Variants in RBP2 observed in about 807,000 individuals in gnomAD.
RBP2 encodes retinol-binding protein 2.
RBP2 carries 17 observed loss-of-function variants against 17.0 expected under a neutral mutation model. That is an observed-to-expected ratio of 1.00 (90% confidence interval 0.68 to 1.50). RBP2 has a LOEUF of 1.50. Among genes scored for constraint, RBP2 ranks in the 40% most tolerant of loss-of-function variants. The probability of loss-of-function intolerance (pLI) is 0.00; values close to 1 mark genes in which losing one functional copy is unlikely to be tolerated. For synonymous variants in RBP2, 48 were observed against 57.1 expected (o/e 0.84, Z 0.72); for missense variants, 158 against 168.2 (o/e 0.94, Z 0.33).
At chr3:139,460,551 C>T (rs551247222) in intron 2 of RBP2, among the ~76,000 whole-genome samples, 13 of 152,168 alleles carry the variant, frequency 8.5e-5, no homozygotes, top group Non-Finnish European at 1.6e-4. Flanking sequence ...TTTTCCTCCC[C>T]ACCCCAGGAG....
intron 1 of RBP2, among the ~76,000 whole-genome samples, chr3:139,464,967 G>T (rs1313951085): frequency 1.3e-5 from 2 of 152,202 alleles, no homozygotes; most frequent in Non-Finnish European, 2.9e-5. Context: ...GACTTCTATG[G>T]TTTAAAAATT....
intron 3 of RBP2, 39 bp from the exon 4 acceptor site, chr3:139,453,205 G>T: frequency 6.2e-7 from 1 of 1,612,816 alleles, no homozygotes; most frequent in South Asian, 1.1e-5. Context: ...TAACAAGCCA[G>T]GCCTTTCTTC....
rs1388893425 is a variant in RBP2 at position 139,459,459 on chromosome 3, A to AAT, written c.252+2651_252+2652dup. 4.3e-3 allele frequency among the ~76,000 whole-genome samples: 479 copies of AAT among 112,368 alleles called. 3 individuals carry two copies. The highest frequency in any genetic ancestry group is 0.015 in the African/African-American group (429 of 29,230). The allele number at this position is 112,368 out of a possible 152,430, so 73.7% of individuals were successfully genotyped here. A position where few individuals can be genotyped will look rare whatever the true frequency, so the allele number is the denominator to read the frequency against. ...TCATATTTACATATATTTATATATAAATATATATATATATTTAGCCAGGCA... is the reference window on the plus strand; with the variant it reads ...TCATATTTACATATATTTATATATAAATATATATATATATATTTAGCCAGGCA... On this transcript the variant is annotated intron_variant, in intron 2 of 3. Transcript: ENST00000232217.
intron 1 of RBP2, among the ~76,000 whole-genome samples, chr3:139,469,689 C>T (rs987422475): frequency 2.3e-4 from 23 of 98,592 alleles, no homozygotes; most frequent in Non-Finnish European, 4.5e-4. Flanking sequence ...GTCTGTCTGT[C>T]TATCTATCTA....
intron 2 of RBP2, among the ~76,000 whole-genome samples, chr3:139,460,274 CTTG>C (rs1303952628): frequency 6.6e-6 from 1 of 152,178 alleles, no homozygotes; most frequent in Non-Finnish European, 1.5e-5. Context: ...TCAGAAAAGG[CTTG>C]TTGATCCATT....
chr3:139,454,691 G>A (rs761488300), intron 3 of RBP2, 38 bp downstream of exon 3: 17 of 1,594,648 alleles, frequency 1.1e-5, no homozygotes, highest in Admixed American at 6.7e-5. Context: ...GCGTGTGTAA[G>A]CACAATGGAA....
At chr3:139,470,252 T>A (rs890227991) in intron 1 of RBP2, among the ~76,000 whole-genome samples, 2 of 152,192 alleles carry the variant, frequency 1.3e-5, no homozygotes, top group African/African-American at 4.8e-5. Context: ...TCTGCCCAGT[T>A]ATTCAGGCCT....
intron 3 of RBP2, 107 bp from the exon 4 acceptor site, chr3:139,453,273 CTT>C: frequency 8.0e-7 from 1 of 1,246,990 alleles, no homozygotes; most frequent in Non-Finnish European, 1.2e-6. Context: ...AAAGAGGACA[CTT>C]AGGTATTCTG....
chr3:139,460,707 G>A (rs1226770066), intron 2 of RBP2, among the ~76,000 whole-genome samples: 3 of 152,110 alleles, frequency 2.0e-5, no homozygotes, highest in Non-Finnish European at 2.9e-5. Context: ...GCAGGGCAGG[G>A]CAGAGGGTGT....
chr3:139,459,117 A>G (rs963593763), intron 2 of RBP2, among the ~76,000 whole-genome samples: 1 of 152,074 alleles, frequency 6.6e-6, no homozygotes, highest in Admixed American at 6.6e-5. Flanking sequence ...GAGGGCTTGT[A>G]AGGGTGACCA....
chr3:139,476,434 C>T lies in RBP2; in HGVS notation c.26G>A (p.Trp9Ter). The change falls in exon 1 of 4, where the codon TGG (tryptophan) becomes TAG (stop). Residue 9 changes from tryptophan (W) to a stop codon, truncating the protein, a stop_gained. Coordinates refer to ENST00000232217, the MANE Select transcript of RBP2 (RefSeq NM_004164.3). LOFTEE classifies it high-confidence loss of function. MTRDQNGT[W>*]EMESNENFEG... ...AAAGTTTTCATTACTCTCCATCTCC[C>T]AGGTTCCATTCTGGTCCCTTGTCAT... The T allele has an allele frequency of 6.2e-7, 1 of 1,614,022 alleles. No individual in the cohort carries two copies. The highest frequency in any genetic ancestry group is 8.5e-7 in the Non-Finnish European group (1 of 1,179,988).
At chr3:139,454,497 A>C (rs1344841296) in intron 3 of RBP2, among the ~76,000 whole-genome samples, 1 of 152,160 alleles carries the variant, frequency 6.6e-6, no homozygotes, top group Admixed American at 6.5e-5. Flanking sequence ...CTAACTCAGC[A>C]TTTTGAACTT....
At chr3:139,457,508 T>A (rs1559804271) in intron 2 of RBP2, among the ~76,000 whole-genome samples, 2 of 152,240 alleles carry the variant, frequency 1.3e-5, no homozygotes, top group Non-Finnish European at 2.9e-5. Flanking sequence ...TAACTCATAC[T>A]GGACAGCAAG....
At chr3:139,465,493 A>G (rs906160283) in intron 1 of RBP2, among the ~76,000 whole-genome samples, 4 of 152,134 alleles carry the variant, frequency 2.6e-5, no homozygotes, top group African/African-American at 9.7e-5. Context: ...TCCCTGGATT[A>G]TGTGGTGAGG....
chr3:139,463,195 T>C (rs1441312317), intron 1 of RBP2, among the ~76,000 whole-genome samples: 1 of 152,086 alleles, frequency 6.6e-6, no homozygotes, highest in Non-Finnish European at 1.5e-5. Flanking sequence ...CTTCTTTTTT[T>C]TTCTTTCTTG....
chr3:139,475,631 A>T (rs1933714786), intron 1 of RBP2, among the ~76,000 whole-genome samples: 1 of 152,176 alleles, frequency 6.6e-6, no homozygotes, highest in African/African-American at 2.4e-5. Flanking sequence ...CTGCTGAGGG[A>T]TGGAATAAGG....
intron 1 of RBP2, among the ~76,000 whole-genome samples, chr3:139,468,563 T>C (rs1298647355): frequency 6.6e-6 from 1 of 152,210 alleles, no homozygotes; most frequent in Non-Finnish European, 1.5e-5. Flanking sequence ...ATGTTGCCTC[T>C]GCTCTGCCCC....
At chr3:139,467,690 C>G (rs1021356501) in intron 1 of RBP2, among the ~76,000 whole-genome samples, 6 of 152,208 alleles carry the variant, frequency 3.9e-5, no homozygotes, top group African/African-American at 1.4e-4. Flanking sequence ...GCCGTCCACT[C>G]TTGGCCTTAT....
chr3:139,469,687 GTCTATCTATCTATCTATCTA>G (rs543597083), intron 1 of RBP2, among the ~76,000 whole-genome samples: 1 of 132,978 alleles, frequency 7.5e-6, no homozygotes, highest in Admixed American at 7.3e-5. Context: ...CTGTCTGTCT[GTCTATCTATCTATCTATCTA>G]TCTATCTATC....
Sources: allele counts gnomAD v4.1 joint callset (sites outside exome capture counted in the v4.1 genomes callset), GRCh38; gene constraint gnomAD v4.1.1; transcripts MANE v1.5; gene names NCBI Gene and HGNC (gene_info 2026-07-23, HGNC 2026-07-21).